Variants in NSD2 observed in about 807,000 individuals in gnomAD.
The protein encoded by NSD2 is nuclear receptor binding SET domain protein 2.
In NSD2, 12 loss-of-function variants were observed where a neutral mutation model predicts 139.0. That is an observed-to-expected ratio of 0.09 (90% CI 0.06 to 0.14). The LOEUF (loss-of-function observed/expected upper bound fraction) is 0.14. Ranked by LOEUF, NSD2 falls within the 10% of genes least tolerant of loss-of-function variation. The pLI, the probability that NSD2 is intolerant of heterozygous loss-of-function variation, is 1.00. For synonymous variants in NSD2, 669 were observed against 648.7 expected, an observed-to-expected ratio of 1.03 and a Z score of -0.48; for missense variants, 1,155 against 1,745.0, an observed-to-expected ratio of 0.66 and a Z score of 6.02.
At position 1,955,888 on chromosome 4, in the gene NSD2, G is replaced by A. The variant is rs1724761400; in HGVS notation, c.2675+39G>A. The stretch of plus-strand genomic sequence containing the variant: ...AATCGTATGCTTTTATGTCTTTTCT[G>A]TTCACATGTGTTCGCTTTACAGTAC... On this transcript the variant is annotated intron_variant, in intron 14 of 21. Transcript: ENST00000508803. This position sits in a 1 kb window ranked among gnomAD's most constrained non-coding sequence, Gnocchi z 4.7. The A allele has an allele frequency of 6.2e-7, 1 of 1,610,122 alleles. No individual in the cohort carries two copies. Among genetic ancestry groups the A allele is most frequent in the Non-Finnish European group, 8.5e-7 (1 of 1,176,914 alleles).
chr4:1,903,590 C>T (rs745462645), intron 2 of NSD2, among the ~76,000 whole-genome samples: 41 of 152,064 alleles, frequency 2.7e-4, no homozygotes, highest in East Asian at 1.9e-4. Context: ...AATTCCTTTT[C>T]GACCAGTTGA....
chr4:1,944,745 A>G (rs1357679290), intron 9 of NSD2: 1 of 1,064,618 alleles, frequency 9.4e-7, no homozygotes, highest in Non-Finnish European at 1.1e-6. Context: ...AAGCCTTTAT[A>G]TATCTGCTTC....
At chr4:1,898,664 A>AC (rs1716732861) in intron 1 of NSD2, among the ~76,000 whole-genome samples, 1 of 149,228 alleles carries the variant, frequency 6.7e-6, no homozygotes, top group Non-Finnish European at 1.5e-5. Flanking sequence ...CGTCTAAAAA[A>AC]AAAAAAACAA....
intron 5 of NSD2, 89 bp downstream of exon 5, chr4:1,918,712 C>G (rs1369204275): frequency 2.0e-6 from 3 of 1,515,730 alleles, no homozygotes; most frequent in East Asian, 2.3e-5. Context: ...TCAGCATTAT[C>G]AGGAGACTCT....
intron 1 of NSD2, among the ~76,000 whole-genome samples, chr4:1,894,674 T>TA (rs61535099): frequency 0.029 from 2,994 of 103,962 alleles, 19 homozygotes; most frequent in Middle Eastern, 0.088. Flanking sequence ...CCTGTCTCAA[T>TA]AAAAAAAAAA....
chr4:1,871,904 G>A (rs550880115), intron 1 of NSD2, among the ~76,000 whole-genome samples: 3 of 147,522 alleles, frequency 2.0e-5, no homozygotes, highest in South Asian at 4.1e-4. Context: ...TGTTGGGCCC[G>A]GCCGGGCCCT....
At chr4:1,915,852 T>C (rs1236367155) in intron 3 of NSD2, among the ~76,000 whole-genome samples, 1 of 152,154 alleles carries the variant, frequency 6.6e-6, no homozygotes, top group Admixed American at 6.5e-5. Context: ...CAGGGAGTGG[T>C]AACTGCCCCC....
At position 1,955,886 on chromosome 4, in the gene NSD2, C is replaced by G; in HGVS notation, c.2675+37C>G. On this transcript the variant is annotated intron_variant, in intron 14 of 21. Transcript: ENST00000508803. The surrounding 1 kb of genome is among the most constrained non-coding windows in gnomAD (Gnocchi z 4.7). ...AGAATCGTATGCTTTTATGTCTTTT[C>G]TGTTCACATGTGTTCGCTTTACAGT... 1 of 1,610,522 alleles carries G rather than the reference C, an allele frequency of 6.2e-7. No homozygotes were observed. Among genetic ancestry groups the G allele is most frequent in the Non-Finnish European group, 8.5e-7 (1 of 1,177,114 alleles).
chr4:1,961,853 A>G (rs908397529), intron 18 of NSD2, among the ~76,000 whole-genome samples: 3 of 152,112 alleles, frequency 2.0e-5, no homozygotes, highest in African/African-American at 7.2e-5. Context: ...TCAGCTGGGG[A>G]AGTGTGGCCT....
At position 1,954,161 on chromosome 4, in the gene NSD2, T is replaced by C. The variant is rs1724573805; in HGVS notation, c.2338+637T>C. ...CACCATACCTACCTAATTTTTGTAT[T>C]TTTAGTAGAGACGGGGTTTCATCAT... is the stretch of plus-strand genomic sequence containing the variant. On this transcript the variant is annotated intron_variant, in intron 12 of 21. Coordinates refer to ENST00000508803, the MANE Select transcript of NSD2 (RefSeq NM_001042424.3). 3.3e-5 allele frequency among the ~76,000 whole-genome samples: 5 copies of C among 152,198 alleles called. No homozygotes were observed. In the South Asian group the frequency reaches 8.3e-4, roughly 25 times the overall value.
At chr4:1,897,521 G>C (rs2108733056) in intron 1 of NSD2, among the ~76,000 whole-genome samples, 1 of 152,286 alleles carries the variant, frequency 6.6e-6, no homozygotes, top group Admixed American at 6.5e-5. Context: ...GCAGGGTACA[G>C]GGGCTCCTGC....
chr4:1,979,076 A>C lies in NSD2; in HGVS notation c.*167A>C. The C allele has an allele frequency of 2.4e-6, 2 of 839,628 alleles. No homozygotes were observed. Among genetic ancestry groups the C allele is most frequent in the Non-Finnish European group, 3.4e-6 (2 of 581,084 alleles). 52.0% of individuals were successfully genotyped at this position (839,628 alleles called of 1,614,324 possible). On this transcript the variant is annotated 3_prime_UTR_variant, in exon 22 of 22. Coordinates refer to ENST00000508803, the MANE Select transcript of NSD2 (RefSeq NM_001042424.3). ...GCCTCCCCACCACTGAGCCATCCTC[A>C]GCAGCGTCCGCTGCGTCTGCACTGA...
chr4:1,885,243 G>T (rs935401637), intron 1 of NSD2, among the ~76,000 whole-genome samples: 3 of 152,144 alleles, frequency 2.0e-5, no homozygotes, highest in Non-Finnish European at 2.9e-5. Flanking sequence ...ATACCAGTAT[G>T]TTCACAGCTG....
intron 18 of NSD2, among the ~76,000 whole-genome samples, chr4:1,967,139 C>T (rs1417928897): frequency 2.0e-5 from 3 of 152,150 alleles, no homozygotes; most frequent in East Asian, 3.8e-4. Flanking sequence ...TAAGACAGTA[C>T]TGTGAACAAC....
intron 9 of NSD2, chr4:1,947,101 A>G (rs1723714269): frequency 2.8e-6 from 3 of 1,064,812 alleles, no homozygotes; most frequent in East Asian, 1.0e-4. Context: ...CAGTTTTGTC[A>G]TTGTCCTCAA....
chr4:1,930,626 G>T lies in NSD2; in HGVS notation c.1411G>T (p.Val471Leu), dbSNP rs762295992. ...ATTGCACCTTCTCCCGTTCCCACAG[G>T]TGGTAGCTGAGCACCCAGATGCTTC... ...LVFCQKHRDEVVAEHPDASGE... is the reference protein window; with the variant it reads ...LVFCQKHRDELVAEHPDASGE... Residue 471 changes from valine to leucine, a missense_variant and splice_region_variant, in exon 6 of 22, where the codon GTG (valine) becomes TTG (leucine). This residue lies in a region of NSD2 where 420 missense variants were observed against 469.0 expected (regional missense o/e 0.90). Transcript: ENST00000508803. The T allele has an allele frequency of 2.5e-6, 4 of 1,605,856 alleles. No individual in the cohort carries two copies. The highest frequency in any genetic ancestry group is 3.4e-6 in the Non-Finnish European group (4 of 1,175,882).
intron 9 of NSD2, chr4:1,944,546 TC>T (rs1723423640): frequency 9.4e-7 from 1 of 1,065,366 alleles, no homozygotes; most frequent in East Asian, 5.0e-5. Flanking sequence ...GAGGTGGCTC[TC>T]CAGTGTAAAA....
intron 18 of NSD2, among the ~76,000 whole-genome samples, chr4:1,970,682 T>C (rs1726367233): frequency 6.6e-6 from 1 of 152,034 alleles, no homozygotes; most frequent in South Asian, 2.1e-4. Context: ...AAGGAGAGCA[T>C]GAAGATAATG....
intron 1 of NSD2, among the ~76,000 whole-genome samples, chr4:1,898,689 AC>A (rs1716750605): frequency 7.5e-6 from 1 of 134,074 alleles, no homozygotes; most frequent in South Asian, 2.4e-4. Flanking sequence ...CAAAAAACAC[AC>A]TTTTTTTTTT....
Sources: allele counts gnomAD v4.1 joint callset (sites outside exome capture counted in the v4.1 genomes callset), GRCh38; gene constraint gnomAD v4.1.1; regional missense constraint gnomAD v4.1.1; non-coding constraint Gnocchi (gnomAD v3.1); transcripts MANE v1.5; gene names NCBI Gene and HGNC (gene_info 2026-07-23, HGNC 2026-07-21).